CDH4: variants seen among roughly 807,000 people sequenced by gnomAD.
CDH4 encodes the protein cadherin-4.
A neutral mutation model predicts 86.0 loss-of-function variants in CDH4; 33 were observed. The observed-to-expected ratio is 0.38, with a 90% CI of 0.29 to 0.51. The LOEUF is 0.51. Ranked by LOEUF, CDH4 falls within the 20% of genes least tolerant of loss-of-function variation. The probability of loss-of-function intolerance (pLI) is 0.86; values close to 1 mark genes in which losing one functional copy is unlikely to be tolerated. For synonymous variants in CDH4, 555 were observed against 549.4 expected (o/e 1.01, Z -0.14); for missense variants, 1,114 against 1,307.4 (o/e 0.85, Z 2.28).
At position 61,858,827 on chromosome 20, in the gene CDH4, G is replaced by A. The variant is rs1470458635; in HGVS notation, c.877+5929G>A. Among the ~76,000 whole-genome samples the A allele has an allele frequency of 2.0e-5, 3 of 152,312 alleles. No homozygotes were observed. The East Asian group carries it at 5.8e-4, about 29-fold the overall frequency. On this transcript the variant is annotated intron_variant, in intron 6 of 15. Transcript: ENST00000614565. ...ATCCCCAACTGATGGACGCTGGGCA[G>A]TTTCAACTCTGGGCCATGATGAACT...
chr20:61,761,335 T>G (rs1450113972), intron 3 of CDH4, among the ~76,000 whole-genome samples: 1 of 152,124 alleles, frequency 6.6e-6, no homozygotes, highest in Non-Finnish European at 1.5e-5. Flanking sequence ...ATAAATAGAA[T>G]TGATATTTGG....
In CDH4 at chr20:61,565,846, G is replaced by A. The variant is rs56002504; in HGVS notation, c.170-177717G>A. On this transcript the variant is annotated intron_variant, in intron 2 of 15. Coordinates refer to ENST00000614565, the MANE Select transcript of CDH4 (RefSeq NM_001794.5). ...GCCGAGGCTACATGCCTGCCTGGACGCTGTCATGAGGTTGCTGCCGGGGTT... is the reference window on the plus strand; with the variant it reads ...GCCGAGGCTACATGCCTGCCTGGACACTGTCATGAGGTTGCTGCCGGGGTT... Among the ~76,000 whole-genome samples, 452 of 152,320 alleles carry A rather than the reference G, an allele frequency of 3.0e-3. 3 individuals are homozygous for A. Among genetic ancestry groups the A allele is most frequent in the Non-Finnish European group, 5.3e-3 (360 of 68,024 alleles).
Position 61,677,431 on chromosome 20 carries a change from G to A in CDH4, c.170-66132G>A, listed in dbSNP as rs2087455300. On this transcript the variant is annotated intron_variant, in intron 2 of 15. Transcript: ENST00000614565. Reference sequence around the variant, plus strand: ...CCTCCAGACTCCTGCCTCACAGCATGCAGTTCACTTTTACTTTTTGTTAAT... The same window carrying A: ...CCTCCAGACTCCTGCCTCACAGCATACAGTTCACTTTTACTTTTTGTTAAT... 1.1e-4 allele frequency among the ~76,000 whole-genome samples: 16 copies of A among 152,326 alleles called. No individual in the cohort carries two copies. In the South Asian group the frequency reaches 3.3e-3, roughly 32 times the overall value.
At chr20:61,486,397 G>T (rs1036602440) in intron 2 of CDH4, among the ~76,000 whole-genome samples, 1 of 152,204 alleles carries the variant, frequency 6.6e-6, no homozygotes, top group Non-Finnish European at 1.5e-5. Context: ...CTGTGTCCCC[G>T]TGGGGCCCTA....
chr20:61,486,421 G>A (rs894164400), intron 2 of CDH4, among the ~76,000 whole-genome samples: 3 of 152,216 alleles, frequency 2.0e-5, no homozygotes, highest in African/African-American at 4.8e-5. Context: ...TGTTCCTCTC[G>A]CAGTCCGGGA....
At chr20:61,474,152 CTTTTTTTTTTT>C (rs10551077) in intron 2 of CDH4, among the ~76,000 whole-genome samples, 1 of 40,020 alleles carries the variant, frequency 2.5e-5, no homozygotes, top group Non-Finnish European at 4.1e-5. Context: ...TGGAATAGGA[CTTTTTTTTTTT>C]TTTTTTTTTT....
At chr20:61,461,052 G>C (rs1001486502) in intron 2 of CDH4, among the ~76,000 whole-genome samples, 1 of 152,118 alleles carries the variant, frequency 6.6e-6, no homozygotes, top group South Asian at 2.1e-4. Flanking sequence ...TGAAGACCAG[G>C]TTCCTAATAC....
chr20:61,856,786 C>T (rs1313813714), intron 6 of CDH4, among the ~76,000 whole-genome samples: 1 of 152,192 alleles, frequency 6.6e-6, no homozygotes, highest in Non-Finnish European at 1.5e-5. Context: ...GTGGTTGAGG[C>T]ACAGAGTGAG....
In CDH4 at chr20:61,525,899, A is replaced by G. The variant is rs370615008; in HGVS notation, c.170-217664A>G. On this transcript the variant is annotated intron_variant, in intron 2 of 15. Coordinates refer to ENST00000614565, the MANE Select transcript of CDH4 (RefSeq NM_001794.5). ...CCCAGAGAAAAGCGGAGCCACCGGG[A>G]AGGAAATGCCATCCCCACTGACCCT... Among the ~76,000 whole-genome samples the G allele has an allele frequency of 2.5e-3, 388 of 152,216 alleles. 1 individual carries two copies. The highest frequency in any genetic ancestry group is 9.0e-3 in the African/African-American group (372 of 41,534).
intron 2 of CDH4, among the ~76,000 whole-genome samples, chr20:61,366,088 C>T (rs550209199): frequency 3.9e-5 from 6 of 152,194 alleles, no homozygotes; most frequent in Middle Eastern, 3.2e-3. Context: ...GCCGGCCAGC[C>T]GCAGTCAGAA....
intron 2 of CDH4, among the ~76,000 whole-genome samples, chr20:61,554,256 C>G (rs577392709): frequency 6.6e-6 from 1 of 152,258 alleles, no homozygotes; most frequent in Admixed American, 6.5e-5. Context: ...TCACATTGCC[C>G]TTGGACTCCC....
At chr20:61,682,105 A>G (rs1383807633) in intron 2 of CDH4, among the ~76,000 whole-genome samples, 1 of 152,072 alleles carries the variant, frequency 6.6e-6, no homozygotes, top group Non-Finnish European at 1.5e-5. Flanking sequence ...CACTACCTTC[A>G]TGGGGTGTGG....
intron 2 of CDH4, among the ~76,000 whole-genome samples, chr20:61,665,870 T>C (rs2087317886): frequency 1.3e-5 from 2 of 152,154 alleles, no homozygotes; most frequent in Admixed American, 1.3e-4. Flanking sequence ...TGCCAAGCGA[T>C]ATTGGCTGTC....
At chr20:61,330,986 T>G (rs1374865472) in intron 2 of CDH4, among the ~76,000 whole-genome samples, 1 of 151,966 alleles carries the variant, frequency 6.6e-6, no homozygotes, top group Non-Finnish European at 1.5e-5. Context: ...AATTTCTGGG[T>G]CAGTTATAAG....
intron 2 of CDH4, among the ~76,000 whole-genome samples, chr20:61,305,463 G>A (rs958383669): frequency 1.3e-5 from 2 of 152,244 alleles, no homozygotes; most frequent in African/African-American, 4.8e-5. Context: ...TATGGATGCT[G>A]CTGGTGTGGG....
chr20:61,645,413 G>A (rs1262431812), intron 2 of CDH4, among the ~76,000 whole-genome samples: 1 of 152,144 alleles, frequency 6.6e-6, no homozygotes, highest in Non-Finnish European at 1.5e-5. Flanking sequence ...GATCACTTGA[G>A]CCCAGGAGTT....
rs532613716 is a variant in CDH4 at position 61,755,834 on chromosome 20, G to A, written c.396+12045G>A. On this transcript the variant is annotated intron_variant, in intron 3 of 15. Transcript: ENST00000614565. Reference sequence around the variant, plus strand: ...TACGCACATTCCACACAGTACACACGTGCGGCTACATGAAACACATGCGCA... The same window carrying A: ...TACGCACATTCCACACAGTACACACATGCGGCTACATGAAACACATGCGCA... Among the ~76,000 whole-genome samples the A allele has an allele frequency of 6.7e-4, 102 of 152,190 alleles. 1 individual carries two copies. Among genetic ancestry groups the A allele is most frequent in the African/African-American group, 2.3e-3 (97 of 41,496 alleles).
intron 4 of CDH4, among the ~76,000 whole-genome samples, chr20:61,839,813 A>ATGTG (rs1491182012): frequency 6.7e-6 from 1 of 149,020 alleles, no homozygotes; most frequent in African/African-American, 2.5e-5. Flanking sequence ...TTGAGTGCAC[A>ATGTG]TGTGTGTTGT....
intron 7 of CDH4, among the ~76,000 whole-genome samples, chr20:61,875,753 A>G (rs11907739): frequency 0.8 from 120,934 of 152,068 alleles, 48,221 homozygotes; most frequent in Admixed American, 0.86. Flanking sequence ...GATGAGCTGC[A>G]CCTGGCCCTG....
Sources: gnomAD v4.1 joint callset for allele counts (sites outside exome capture counted in the v4.1 genomes callset) on GRCh38, gnomAD v4.1.1 for gene constraint, MANE v1.5 for transcripts, NCBI Gene and HGNC (gene_info 2026-07-23, HGNC 2026-07-21) for gene names.